Variants in CAPN14 observed in about 807,000 individuals in gnomAD.
The protein encoded by CAPN14 is calpain 14, also known as calpain-14.
CAPN14 carries 94 observed loss-of-function variants against 101.3 expected under a neutral mutation model. The ratio of observed to expected loss-of-function variants is 0.93; its 90% CI spans 0.79 to 1.10. The LOEUF is 1.10. CAPN14 is among the 50% of genes least tolerant of loss of function. The pLI is 0.00. For missense variants in CAPN14, 837 were observed against 828.4 expected (o/e 1.01, Z -0.13); for synonymous variants, 338 against 317.9 (o/e 1.06, Z -0.67).
Position 31,177,773 on chromosome 2 carries a change from G to T in CAPN14, c.1828C>A (p.Gln610Lys). 1 of 1,551,984 alleles carries T rather than the reference G, an allele frequency of 6.4e-7. No individual in the cohort carries two copies. Among genetic ancestry groups the T allele is most frequent in the South Asian group, 1.2e-5 (1 of 84,056 alleles). ...GCCTCCCTCATGGCAGCGTGCAGCTGCTCCCAGTTCAGGTATCCTGACCCA... is the reference window on the plus strand; with the variant it reads ...GCCTCCCTCATGGCAGCGTGCAGCTTCTCCCAGTTCAGGTATCCTGACCCA... ...DRGSGYLNWEQLHAAMREAGI... is the reference protein window; with the variant it reads ...DRGSGYLNWEKLHAAMREAGI... The change falls in exon 19 of 22, where the codon CAG (glutamine) becomes AAG (lysine). Residue 610 changes from glutamine to lysine, a missense_variant. By Grantham distance (53) the Gln-to-Lys change is moderately conservative. Coordinates refer to ENST00000403897, the MANE Select transcript of CAPN14 (RefSeq NM_001145122.2).
chr2:31,178,718 C>A (rs114968509), intron 17 of CAPN14, 139 bp from the exon 18 acceptor site: 9 of 577,780 alleles, frequency 1.6e-5, no homozygotes, highest in Non-Finnish European at 2.7e-5. Flanking sequence ...TTCGCTAGTT[C>A]GCCTCACCTC....
At chr2:31,228,828 T>C (rs1304451407) in intron 1 of CAPN14, among the ~76,000 whole-genome samples, 2 of 152,170 alleles carry the variant, frequency 1.3e-5, no homozygotes, top group Non-Finnish European at 2.9e-5. Context: ...GTGAAGCCAC[T>C]TTCCCCAAGC....
chr2:31,211,506 T>A (rs762768635), intron 1 of CAPN14, among the ~76,000 whole-genome samples: 3 of 151,862 alleles, frequency 2.0e-5, no homozygotes, highest in Non-Finnish European at 2.9e-5. Flanking sequence ...GCGACTCAGG[T>A]TACTAGTTTG....
At chr2:31,183,736 G>A (rs904113005) in intron 16 of CAPN14, among the ~76,000 whole-genome samples, 9 of 152,052 alleles carry the variant, frequency 5.9e-5, no homozygotes, top group Non-Finnish European at 1.2e-4. Flanking sequence ...TACACTGTTG[G>A]TGGGACTGTA....
At chr2:31,182,550 C>CA (rs1285797710) in intron 16 of CAPN14, among the ~76,000 whole-genome samples, 48 of 129,636 alleles carry the variant, frequency 3.7e-4, no homozygotes, top group African/African-American at 1.6e-3. Flanking sequence ...AACAGACAAA[C>CA]AGAGAGCCAA....
intron 8 of CAPN14, among the ~76,000 whole-genome samples, chr2:31,196,173 T>C (rs1217929921): frequency 1.3e-5 from 2 of 152,318 alleles, no homozygotes; most frequent in East Asian, 1.9e-4. Flanking sequence ...GATTAAACAC[T>C]ACAAAATAAA....
intron 9 of CAPN14, among the ~76,000 whole-genome samples, chr2:31,193,531 G>A (rs191149114): frequency 7.2e-5 from 11 of 152,348 alleles, no homozygotes; most frequent in Admixed American, 1.3e-4. Flanking sequence ...CTGGCTGGAA[G>A]CAGCCGGCCA....
rs1316005160 is a variant in CAPN14 at position 31,174,701 on chromosome 2, T to C, written c.2035A>G (p.Met679Val). ...GIYLQKPEWM[M>V]MALYS ...CCTTCTCAGGAGTACAGTGCCATCA[T>C]CATCCACTGGACATGTTGGGAAAGC... Residue 679 changes from methionine to valine, a missense_variant, in exon 22 of 22, where the codon ATG becomes GTG. By Grantham distance (21) the Met-to-Val change is conservative (BLOSUM62 1). Transcript: ENST00000403897. 1 of 1,551,630 alleles carries C rather than the reference T, an allele frequency of 6.4e-7. No homozygotes were observed. Among genetic ancestry groups the C allele is most frequent in the African/African-American group, 1.4e-5 (1 of 73,168 alleles).
At chr2:31,203,361 CTG>C (rs1309032389) in intron 2 of CAPN14, among the ~76,000 whole-genome samples, 19 of 150,942 alleles carry the variant, frequency 1.3e-4, no homozygotes, top group African/African-American at 4.7e-4. Flanking sequence ...CTGGAGAACT[CTG>C]TGTAGATATT....
chr2:31,193,023 T>C, intron 10 of CAPN14, 108 bp downstream of exon 10: 4 of 1,125,582 alleles, frequency 3.6e-6, no homozygotes, highest in Admixed American at 2.2e-5. Context: ...CAGAGCCTCC[T>C]CCCCACTCAG....
intron 1 of CAPN14, among the ~76,000 whole-genome samples, chr2:31,206,233 C>T (rs1449746592): frequency 6.6e-6 from 1 of 151,864 alleles, no homozygotes; most frequent in African/African-American, 2.4e-5. Context: ...CCAAGGATGT[C>T]TCTCCCATCC....
chr2:31,178,488 G>C, intron 18 of CAPN14, 23 bp downstream of exon 18: 1 of 1,537,278 alleles, frequency 6.5e-7, no homozygotes, highest in South Asian at 1.2e-5. Context: ...TTCCAAAGAG[G>C]TGTGGTTAAG....
At position 31,177,059 on chromosome 2, in the gene CAPN14, TG is replaced by T; in HGVS notation, c.1938del (p.Phe646LeufsTer4). ...TTCTCTACACGCAGCATCAAGTGGA[TG>T]AAACTGACAAAGTCCATCTGGAGGC... ...GPRLQMDFVS[F>X]IHLMLRVENM... is the part of the protein sequence containing the mutation. On this transcript the variant is annotated frameshift_variant, in exon 20 of 22. Coordinates refer to ENST00000403897, the MANE Select transcript of CAPN14 (RefSeq NM_001145122.2). LOFTEE classifies it high-confidence loss of function. 6.4e-7 allele frequency: 1 copy of T among 1,551,520 alleles called. No individual in the cohort carries two copies. Among genetic ancestry groups the T allele is most frequent in the South Asian group, 1.2e-5 (1 of 84,032 alleles).
At chr2:31,179,936 A>T (rs1017700554) in intron 17 of CAPN14, among the ~76,000 whole-genome samples, 2 of 152,244 alleles carry the variant, frequency 1.3e-5, no homozygotes, top group Admixed American at 1.3e-4. Flanking sequence ...AAATTTAAAA[A>T]ATAGTAACCT....
chr2:31,178,490 G>T lies in CAPN14; in HGVS notation c.1779+21C>A, dbSNP rs79234744. On this transcript the variant is annotated intron_variant, in intron 18 of 21. Transcript: ENST00000403897. ...TTCCTACACCATCTTCCAAAGAGGT[G>T]TGGTTAAGACTTGTTCTTACCTGAG... 9.8e-4 allele frequency: 1,515 copies of T among 1,540,732 alleles called. 18 individuals are homozygous for T. The African/African-American group carries it at 0.018, about 19-fold the overall frequency.
intron 1 of CAPN14, among the ~76,000 whole-genome samples, chr2:31,212,599 A>G (rs1427798273): frequency 6.6e-6 from 1 of 152,222 alleles, no homozygotes; most frequent in Non-Finnish European, 1.5e-5. Flanking sequence ...CTGAGATCCT[A>G]AGAAATAGAA....
At chr2:31,212,223 T>C (rs1174476237) in intron 1 of CAPN14, among the ~76,000 whole-genome samples, 4 of 151,706 alleles carry the variant, frequency 2.6e-5, no homozygotes, top group Admixed American at 6.6e-5. Flanking sequence ...GGCAGGAGAA[T>C]TGCTTGAACC....
intron 1 of CAPN14, among the ~76,000 whole-genome samples, chr2:31,231,726 G>C (rs930955752): frequency 6.6e-6 from 1 of 152,160 alleles, no homozygotes; most frequent in African/African-American, 2.4e-5. Flanking sequence ...GGGGCCCCTT[G>C]ATTTCTTTCC....
At chr2:31,180,885 G>C (rs1379471244) in intron 17 of CAPN14, 51 bp downstream of exon 17, 2 of 1,459,992 alleles carry the variant, frequency 1.4e-6, no homozygotes, top group African/African-American at 2.8e-5. Flanking sequence ...TAGCTCCAGA[G>C]TGAAGCTCTC....
Sources: gnomAD v4.1 joint callset for allele counts (sites outside exome capture counted in the v4.1 genomes callset) on GRCh38, gnomAD v4.1.1 for gene constraint, MANE v1.5 for transcripts, NCBI Gene and HGNC (gene_info 2026-07-23, HGNC 2026-07-21) for gene names.